Variants in TMEM267 observed in about 807,000 individuals in gnomAD.
The protein encoded by TMEM267 is transmembrane protein 267.
A neutral mutation model predicts 19.3 loss-of-function variants in TMEM267; 20 were observed. The observed-to-expected ratio is 1.04, with a 90% CI of 0.73 to 1.51. The LOEUF is 1.51. Ranked by LOEUF, TMEM267 falls within the 40% of genes most tolerant of loss-of-function variation. The probability of loss-of-function intolerance (pLI) is 0.00; values close to 1 mark genes in which losing one functional copy is unlikely to be tolerated. For missense variants in TMEM267, 242 were observed against 261.9 expected (o/e 0.92, Z 0.52); for synonymous variants, 88 against 90.3 (o/e 0.97, Z 0.15).
At chr5:43,476,732 A>C (rs1380783455) in intron 1 of TMEM267, among the ~76,000 whole-genome samples, 1 of 151,966 alleles carries the variant, frequency 6.6e-6, no homozygotes. Context: ...GGTGAATACA[A>C]AATCGAGAAC....
Position 43,453,892 on chromosome 5 carries a change from CA to C in TMEM267, c.77del (p.Leu26ArgfsTer7). On this transcript the variant is annotated frameshift_variant, in exon 2 of 3. Transcript: ENST00000397080. LOFTEE classifies it high-confidence loss of function. ...TGTCAGCTACGAGGCAAAATGCCCC[CA>C]GACCAAGGCTGGAAATAAGAGATTC... ...STESLISSLG[L>X]GAFCLVADRL... 1 of 1,614,048 alleles carries C rather than the reference CA, an allele frequency of 6.2e-7. No homozygotes were observed. Among genetic ancestry groups the C allele is most frequent in the Non-Finnish European group, 8.5e-7 (1 of 1,180,004 alleles).
intron 1 of TMEM267, among the ~76,000 whole-genome samples, chr5:43,467,233 CT>C (rs1198666394): frequency 6.7e-6 from 1 of 149,370 alleles, no homozygotes; most frequent in Admixed American, 6.7e-5. Context: ...TAAGTCCTTA[CT>C]TATTAATGAT....
Position 43,453,800 on chromosome 5 carries a change from T to A in TMEM267, c.170A>T (p.His57Leu), listed in dbSNP as rs1303361254. The change falls in exon 2 of 3, where the codon CAT becomes CTT. Residue 57 changes from histidine (H) to leucine (L), a missense_variant. Coordinates refer to ENST00000397080, the MANE Select transcript of TMEM267 (RefSeq NM_022483.5). ...CCATGACCACATGCCAATTACACAA[T>A]GTACTGCATTATCTGAGAGAGCACG... is the stretch of plus-strand genomic sequence containing the variant. ...WLRALSDNAV[H>L]CVIGMWSWAV... The A allele has an allele frequency of 3.1e-6, 5 of 1,614,124 alleles. No individual in the cohort carries two copies. The highest frequency in any genetic ancestry group is 3.4e-6 in the Non-Finnish European group (4 of 1,180,002).
At chr5:43,457,516 C>G (rs1330468508) in intron 1 of TMEM267, among the ~76,000 whole-genome samples, 1 of 152,054 alleles carries the variant, frequency 6.6e-6, no homozygotes, top group Non-Finnish European at 1.5e-5. Context: ...TTTTACATGG[C>G]CAGAGTAGAA....
intron 1 of TMEM267, among the ~76,000 whole-genome samples, chr5:43,461,488 G>T (rs946789285): frequency 6.6e-6 from 1 of 152,154 alleles, no homozygotes; most frequent in Non-Finnish European, 1.5e-5. Flanking sequence ...GAGCTCTTGG[G>T]GTCCCTGATT....
intron 1 of TMEM267, among the ~76,000 whole-genome samples, chr5:43,480,224 T>A (rs1360755852): frequency 6.6e-6 from 1 of 152,126 alleles, no homozygotes. Flanking sequence ...CATTCAGGTA[T>A]GAGAAGAACC....
At position 43,446,221 on chromosome 5, in the gene TMEM267, C is replaced by T; in HGVS notation, c.*1G>A. ...TTGCTTCTCTAAGACTGCCGTGTAC[C>T]TCAGACATCAATACGAACTCCATGT... On this transcript the variant is annotated 3_prime_UTR_variant, in exon 3 of 3. Transcript: ENST00000397080. 2 of 1,599,636 alleles carry T rather than the reference C, an allele frequency of 1.3e-6. No individual in the cohort carries two copies. Among genetic ancestry groups the T allele is most frequent in the African/African-American group, 1.3e-5 (1 of 74,736 alleles).
chr5:43,464,521 A>G (rs1183770418), intron 1 of TMEM267, among the ~76,000 whole-genome samples: 1 of 152,296 alleles, frequency 6.6e-6, no homozygotes, highest in Non-Finnish European at 1.5e-5. Context: ...CAAAAGAACA[A>G]AGCCAGAGGC....
At chr5:43,476,933 T>C (rs1447036105) in intron 1 of TMEM267, among the ~76,000 whole-genome samples, 1 of 151,096 alleles carries the variant, frequency 6.6e-6, no homozygotes, top group Non-Finnish European at 1.5e-5. Flanking sequence ...AGCTCCCACC[T>C]GTAATCCCAG....
intron 1 of TMEM267, among the ~76,000 whole-genome samples, chr5:43,461,056 GA>G: frequency 6.6e-6 from 1 of 152,190 alleles, no homozygotes; most frequent in Non-Finnish European, 1.5e-5. Context: ...GGCTCCAAAA[GA>G]GACCCCTTCT....
At chr5:43,477,109 C>G (rs912255387) in intron 1 of TMEM267, among the ~76,000 whole-genome samples, 1 of 151,524 alleles carries the variant, frequency 6.6e-6, no homozygotes, top group Admixed American at 6.6e-5. Flanking sequence ...GGATCACATG[C>G]GTCTAGGATT....
intron 2 of TMEM267, among the ~76,000 whole-genome samples, chr5:43,448,721 A>C (rs1221463335): frequency 6.6e-6 from 1 of 152,004 alleles, no homozygotes; most frequent in African/African-American, 2.4e-5. Context: ...GGTTGAGGTG[A>C]GCTGAGATCA....
chr5:43,481,672 G>A (rs1413671264), intron 1 of TMEM267, among the ~76,000 whole-genome samples: 1 of 152,008 alleles, frequency 6.6e-6, no homozygotes, highest in Non-Finnish European at 1.5e-5. Context: ...GAAAGAGGAA[G>A]GAAAAAGCTC....
At chr5:43,452,865 GT>G (rs1333956315) in intron 2 of TMEM267, among the ~76,000 whole-genome samples, 1 of 152,154 alleles carries the variant, frequency 6.6e-6, no homozygotes, top group African/African-American at 2.4e-5. Flanking sequence ...TATCTACTAG[GT>G]AAGCCAGGCA....
intron 2 of TMEM267, among the ~76,000 whole-genome samples, chr5:43,451,167 G>C (rs762228414): frequency 6.6e-6 from 1 of 152,036 alleles, no homozygotes; most frequent in Non-Finnish European, 1.5e-5. Flanking sequence ...CACTTATCAT[G>C]CTTATTTAAT....
At chr5:43,447,056 T>A (rs1742284521) in intron 2 of TMEM267, among the ~76,000 whole-genome samples, 1 of 152,028 alleles carries the variant, frequency 6.6e-6, no homozygotes, top group Non-Finnish European at 1.5e-5. Context: ...TTATTTTAAA[T>A]ACGTATTCTA....
At chr5:43,481,642 G>C (rs1744775773) in intron 1 of TMEM267, among the ~76,000 whole-genome samples, 1 of 151,968 alleles carries the variant, frequency 6.6e-6, no homozygotes, top group African/African-American at 2.4e-5. Flanking sequence ...CCAATGGAAA[G>C]TACAAAACAG....
intron 1 of TMEM267, among the ~76,000 whole-genome samples, chr5:43,467,315 G>T (rs554801743): frequency 2.2e-4 from 33 of 151,960 alleles, no homozygotes; most frequent in African/African-American, 7.7e-4. Context: ...GAAAAACCAA[G>T]ACCTATTTAT....
intron 1 of TMEM267, among the ~76,000 whole-genome samples, chr5:43,466,140 C>T (rs561404466): frequency 5.9e-5 from 9 of 151,954 alleles, no homozygotes; most frequent in Non-Finnish European, 1.3e-4. Flanking sequence ...TATCCAAGTA[C>T]AAGAAGCTTG....
Sources: allele counts gnomAD v4.1 joint callset (sites outside exome capture counted in the v4.1 genomes callset), GRCh38; gene constraint gnomAD v4.1.1; transcripts MANE v1.5; gene names NCBI Gene and HGNC (gene_info 2026-07-23, HGNC 2026-07-21).